Variants in RSF1 observed in about 807,000 individuals in gnomAD.
RSF1 encodes the protein remodeling and spacing factor 1, also known as HBV pX-associated protein 8.
In RSF1, 13 loss-of-function variants were observed where a neutral mutation model predicts 145.2. The observed-to-expected ratio is 0.09, with a 90% CI of 0.06 to 0.14. RSF1 has a LOEUF of 0.14. Among genes scored for constraint, RSF1 ranks in the 10% least tolerant of loss-of-function variants. The pLI is 1.00. For missense variants in RSF1, 1,517 were observed against 1,718.2 expected (o/e 0.88, Z 2.07); for synonymous variants, 577 against 592.6 (o/e 0.97, Z 0.38).
At chr11:77,733,556 GAT>G (rs1491239079) in intron 4 of RSF1, among the ~76,000 whole-genome samples, 16 of 126,436 alleles carry the variant, frequency 1.3e-4, no homozygotes, top group African/African-American at 4.9e-4. Flanking sequence ...TTACATCTTT[GAT>G]TTTTTTTTTT....
intron 5 of RSF1, among the ~76,000 whole-genome samples, chr11:77,721,421 GAC>G (rs1273510690): frequency 1.3e-5 from 2 of 152,222 alleles, no homozygotes; most frequent in Non-Finnish European, 2.9e-5. Context: ...AAGGGTGAGA[GAC>G]AGGGTTTTTG....
intron 1 of RSF1, among the ~76,000 whole-genome samples, chr11:77,806,689 G>GAGAA (rs1286252772): frequency 6.6e-6 from 1 of 150,966 alleles, no homozygotes; most frequent in Admixed American, 6.6e-5. Context: ...TCTAAATAAA[G>GAGAA]AGAAAGAAAG....
intron 5 of RSF1, among the ~76,000 whole-genome samples, chr11:77,716,975 C>G (rs1294411689): frequency 6.6e-6 from 1 of 151,804 alleles, no homozygotes; most frequent in Non-Finnish European, 1.5e-5. Flanking sequence ...CTCAGGAGTT[C>G]AAGACCAGCC....
At chr11:77,802,550 AT>A (rs1216193392) in intron 1 of RSF1, among the ~76,000 whole-genome samples, 12 of 150,422 alleles carry the variant, frequency 8.0e-5, no homozygotes, top group South Asian at 4.2e-4. Context: ...TAATTAATTA[AT>A]TTTTTTTTTG....
chr11:77,864,036 C>T, the RSF1 span, among the ~76,000 whole-genome samples: 1 of 150,646 alleles, frequency 6.6e-6, no homozygotes, highest in African/African-American at 2.4e-5. Flanking sequence ...AAGCGATTCT[C>T]CTGCCTCAGC....
chr11:77,832,329 A>T, the RSF1 span, among the ~76,000 whole-genome samples: 1 of 73,770 alleles, frequency 1.4e-5, no homozygotes, highest in Non-Finnish European at 2.5e-5. Flanking sequence ...AAATAGAGGA[A>T]CTTTTTTTTT....
At chr11:77,756,449 G>A (rs1251636521) in intron 2 of RSF1, among the ~76,000 whole-genome samples, 1 of 150,808 alleles carries the variant, frequency 6.6e-6, no homozygotes, top group Non-Finnish European at 1.5e-5. Flanking sequence ...ACTATTTTAA[G>A]TACTTTAAAA....
chr11:77,692,233 ATTTTTTTTTTTTTTT>A lies in RSF1; in HGVS notation c.2821-1010_2821-996del, dbSNP rs71046904. 1.6e-3 allele frequency among the ~76,000 whole-genome samples: 79 copies of A among 49,476 alleles called. 2 individuals carry two copies. The highest frequency in any genetic ancestry group is 2.5e-3 in the South Asian group (4 of 1,604). 32.5% of individuals were successfully genotyped at this position (49,476 alleles called of 152,430 possible). ...AAAAAATAATTATTACTACTTTTAA[ATTTTTTTTTTTTTTT>A]TTTTTTTTTTTTTTGAGACGGAGTC... On this transcript the variant is annotated intron_variant, in intron 8 of 15. Coordinates refer to ENST00000308488, the MANE Select transcript of RSF1 (RefSeq NM_016578.4).
intron 1 of RSF1, among the ~76,000 whole-genome samples, 153 bp from the exon 2 acceptor site, chr11:77,764,842 A>G (rs1398928397): frequency 6.6e-6 from 1 of 152,242 alleles, no homozygotes; most frequent in African/African-American, 2.4e-5. Flanking sequence ...GAATCAAAAA[A>G]GCCTAAACTA....
At chr11:77,748,561 GAA>G (rs754452255) in intron 2 of RSF1, among the ~76,000 whole-genome samples, 13 of 152,028 alleles carry the variant, frequency 8.6e-5, no homozygotes, top group Non-Finnish European at 1.9e-4. Context: ...CAGAAAAAGG[GAA>G]AAATATAAAT....
At chr11:77,859,726 G>C in the RSF1 span, among the ~76,000 whole-genome samples, 1 of 152,276 alleles carries the variant, frequency 6.6e-6, no homozygotes, top group East Asian at 1.9e-4. Context: ...CCCCTAAAAG[G>C]TCCCCTCAAG....
intron 2 of RSF1, among the ~76,000 whole-genome samples, chr11:77,749,638 T>C (rs1428111794): frequency 6.6e-6 from 1 of 152,214 alleles, no homozygotes; most frequent in Non-Finnish European, 1.5e-5. Flanking sequence ...GAGAAATGGA[T>C]ATAAAGATGA....
chr11:77,719,285 C>T (rs1029430357), intron 5 of RSF1, among the ~76,000 whole-genome samples: 3 of 152,110 alleles, frequency 2.0e-5, no homozygotes, highest in Admixed American at 1.3e-4. Flanking sequence ...TTCACTTCAA[C>T]AATTAGCAAC....
At chr11:77,842,706 T>A in the RSF1 span, 1 of 1,550,726 alleles carries the variant, frequency 6.4e-7, no homozygotes, top group Non-Finnish European at 8.7e-7. Flanking sequence ...AATGACTAAG[T>A]GAAAAACTAT....
chr11:77,697,528 T>C (rs945792616), intron 7 of RSF1, among the ~76,000 whole-genome samples: 5 of 79,014 alleles, frequency 6.3e-5, no homozygotes, highest in Non-Finnish European at 4.8e-5. Flanking sequence ...TTATATATAA[T>C]ATATAATATA....
chr11:77,709,686 T>C (rs536040227), intron 5 of RSF1, among the ~76,000 whole-genome samples: 1 of 148,396 alleles, frequency 6.7e-6, no homozygotes, highest in Admixed American at 6.8e-5. Context: ...TCTGAATTTG[T>C]GCCAATTCTT....
chr11:77,764,977 T>C (rs967447005), intron 1 of RSF1, among the ~76,000 whole-genome samples: 27 of 152,282 alleles, frequency 1.8e-4, no homozygotes, highest in African/African-American at 5.5e-4. Flanking sequence ...TAATTATATG[T>C]CAATGTAGGT....
Position 77,665,787 on chromosome 11 carries a change from AAC to A in RSF1, c.*1128_*1129del, listed in dbSNP as rs879071465. On this transcript the variant is annotated 3_prime_UTR_variant, in exon 16 of 16. Coordinates refer to ENST00000308488, the MANE Select transcript of RSF1 (RefSeq NM_016578.4). ...ACACACACGCACACGCACACACACAAACACACACACACGCTAAAACTCAAACT... is the reference window on the plus strand; with the variant it reads ...ACACACACGCACACGCACACACACAAACACACACACGCTAAAACTCAAACT... 1.9e-3 allele frequency: 285 copies of A among 150,224 alleles called. 12 individuals are homozygous for A. In the East Asian group the frequency reaches 0.044, roughly 23 times the overall value. 9.3% of individuals were successfully genotyped at this position (150,224 alleles called of 1,614,324 possible).
At chr11:77,835,552 C>T in the RSF1 span, among the ~76,000 whole-genome samples, 1 of 152,184 alleles carries the variant, frequency 6.6e-6, no homozygotes, top group African/African-American at 2.4e-5. Flanking sequence ...GACATTTTAT[C>T]TCCCAGGAAG....
Sources: allele counts gnomAD v4.1 joint callset (sites outside exome capture counted in the v4.1 genomes callset), GRCh38; gene constraint gnomAD v4.1.1; transcripts MANE v1.5; gene names NCBI Gene and HGNC (gene_info 2026-07-23, HGNC 2026-07-21).